PCDH11X: variants seen among roughly 807,000 people sequenced by gnomAD.
PCDH11X encodes protocadherin 11 X-linked, also known as protocadherin-11 X-linked.
A neutral mutation model predicts 53.3 loss-of-function variants in PCDH11X; 18 were observed. The observed-to-expected ratio is 0.34, with a 90% CI of 0.23 to 0.50. The LOEUF (loss-of-function observed/expected upper bound fraction) is 0.50, where lower values mean the gene tolerates loss of function less well. Among genes scored for constraint, PCDH11X ranks in the 20% least tolerant of loss-of-function variants. PCDH11X has a pLI of 0.98. For missense variants in PCDH11X, 570 were observed against 1,032.4 expected, an observed-to-expected ratio of 0.55 and a Z score of 6.14; for synonymous variants, 279 against 393.3, an observed-to-expected ratio of 0.71 and a Z score of 3.44.
intron 10 of PCDH11X, among the ~76,000 whole-genome samples, chrX:92,614,460 G>A (rs1483494889): frequency 9.3e-6 from 1 of 107,678 alleles, no homozygotes; most frequent in East Asian, 2.9e-4. Context: ...TTATATTGAT[G>A]TGTGTAGTTC....
At chrX:92,326,622 C>CTATATATATATATATATATATACAA (rs1160866218) in intron 8 of PCDH11X, among the ~76,000 whole-genome samples, 1 of 45,814 alleles carries the variant, frequency 2.2e-5, no homozygotes, top group Non-Finnish European at 3.3e-5. Context: ...TTTTAATAAA[C>CTATATATATATATATATATATACAA]TATATATATA....
intron 6 of PCDH11X, among the ~76,000 whole-genome samples, chrX:92,033,595 A>G (rs1227723006): frequency 1.2e-4 from 13 of 108,744 alleles, no homozygotes; most frequent in Non-Finnish European, 1.9e-4. Flanking sequence ...GGTTTCAGTC[A>G]TAATGTCTCC....
At chrX:92,165,810 C>A (rs916406299) in intron 6 of PCDH11X, among the ~76,000 whole-genome samples, 1 of 111,617 alleles carries the variant, frequency 9.0e-6, no homozygotes, top group Non-Finnish European at 1.9e-5. Context: ...ATTTCTAGTA[C>A]TTCCTGTGAT....
intron 7 of PCDH11X, among the ~76,000 whole-genome samples, chrX:92,226,664 T>C (rs1047131388): frequency 3.6e-5 from 4 of 111,085 alleles, no homozygotes; most frequent in Non-Finnish European, 7.5e-5. Flanking sequence ...TTGGGTTATT[T>C]TGGCCCCCTT....
intron 8 of PCDH11X, among the ~76,000 whole-genome samples, chrX:92,278,684 G>A (rs1018162418): frequency 4.5e-5 from 5 of 110,682 alleles, no homozygotes; most frequent in African/African-American, 1.6e-4. Context: ...TTAAGGCGGG[G>A]CAGGGCCTTT....
At chrX:92,346,081 T>C (rs2069888656) in intron 8 of PCDH11X, among the ~76,000 whole-genome samples, 1 of 110,768 alleles carries the variant, frequency 9.0e-6, no homozygotes, top group African/African-American at 3.3e-5. Context: ...GCAGCAAATA[T>C]AGATGGGACG....
At chrX:92,076,404 G>C (rs2063773762) in intron 6 of PCDH11X, among the ~76,000 whole-genome samples, 2 of 93,572 alleles carry the variant, frequency 2.1e-5, no homozygotes, top group South Asian at 8.1e-4. Context: ...ACCCAGAAAA[G>C]GAAGCAAAAG....
At chrX:91,848,944 A>T (rs1937853037) in intron 5 of PCDH11X, among the ~76,000 whole-genome samples, 1 of 110,731 alleles carries the variant, frequency 9.0e-6, no homozygotes, top group Admixed American at 9.6e-5. Flanking sequence ...TTATGAAAAG[A>T]AGTAATTTTA....
intron 6 of PCDH11X, among the ~76,000 whole-genome samples, chrX:91,907,403 A>ACACC (rs1556332900): frequency 1.7e-4 from 12 of 71,734 alleles, no homozygotes; most frequent in South Asian, 8.6e-4. Flanking sequence ...ACACACACAC[A>ACACC]CACACACACA....
intron 8 of PCDH11X, among the ~76,000 whole-genome samples, chrX:92,327,535 T>C (rs1225583681): frequency 1.1e-5 from 1 of 89,823 alleles, no homozygotes; most frequent in Non-Finnish European, 2.2e-5. Context: ...ACATCTATTA[T>C]GTGAGAAATG....
At chrX:92,120,961 T>C (rs904175745) in intron 6 of PCDH11X, among the ~76,000 whole-genome samples, 1 of 111,197 alleles carries the variant, frequency 9.0e-6, no homozygotes, top group Non-Finnish European at 1.9e-5. Flanking sequence ...GTGGCTTCCT[T>C]TTTCTGGTTT....
intron 6 of PCDH11X, among the ~76,000 whole-genome samples, chrX:91,885,656 C>A (rs184571436): frequency 1.1e-4 from 12 of 111,206 alleles, no homozygotes; most frequent in African/African-American, 2.6e-4. Context: ...TTCAGTGAAC[C>A]TTTCCTTCAT....
chrX:92,325,190 A>C (rs961469250), intron 8 of PCDH11X, among the ~76,000 whole-genome samples: 1 of 110,561 alleles, frequency 9.0e-6, no homozygotes, highest in Non-Finnish European at 1.9e-5. Flanking sequence ...AACAATCGAC[A>C]TATTTGGAGA....
At position 92,379,390 on chromosome X, in the gene PCDH11X, A is replaced by G. The variant is rs1021194477; in HGVS notation, c.3145-8345A>G. ...GTGCTGACATGCCTATGGCTGCCTCAGCCCCCTCCAGACTTTGACCACCCA... is the reference window on the plus strand; with the variant it reads ...GTGCTGACATGCCTATGGCTGCCTCGGCCCCCTCCAGACTTTGACCACCCA... On this transcript the variant is annotated intron_variant, in intron 8 of 10. Transcript: ENST00000682573. Among the ~76,000 whole-genome samples, 62 of 112,838 alleles carry G rather than the reference A, an allele frequency of 5.5e-4. 1 individual carries two copies. Among genetic ancestry groups the G allele is most frequent in the African/African-American group, 1.9e-3 (60 of 31,118 alleles).
At chrX:91,875,533 C>T (rs921800324) in intron 5 of PCDH11X, among the ~76,000 whole-genome samples, 4 of 109,030 alleles carry the variant, frequency 3.7e-5, no homozygotes, top group East Asian at 2.9e-4. Flanking sequence ...CCTCGTGATC[C>T]GCCCGCCTCG....
At chrX:91,928,758 G>C (rs2147834351) in intron 6 of PCDH11X, among the ~76,000 whole-genome samples, 1 of 109,431 alleles carries the variant, frequency 9.1e-6, no homozygotes, top group African/African-American at 3.3e-5. Context: ...GTTGTGATCT[G>C]ATATAATATC....
At chrX:91,822,502 T>A (rs1393003043) in intron 4 of PCDH11X, among the ~76,000 whole-genome samples, 1 of 111,362 alleles carries the variant, frequency 9.0e-6, no homozygotes, top group Non-Finnish European at 1.9e-5. Context: ...TTTGTATTCC[T>A]GTGGATCGGT....
Position 92,367,820 on chromosome X carries a change from G to A in PCDH11X, c.3145-19915G>A, listed in dbSNP as rs1255631997. 4.5e-5 allele frequency among the ~76,000 whole-genome samples: 5 copies of A among 111,310 alleles called. No homozygotes were observed. In the East Asian group the frequency reaches 1.4e-3, roughly 32 times the overall value. On this transcript the variant is annotated intron_variant, in intron 8 of 10. Transcript: ENST00000682573. ...CTTTTCTTTAAGAATGTTGAATATTGGCCCCCACCCTCTTCTAGCTTGTAA... is the reference window on the plus strand; with the variant it reads ...CTTTTCTTTAAGAATGTTGAATATTAGCCCCCACCCTCTTCTAGCTTGTAA...
chrX:91,893,447 G>A (rs1940599432), intron 6 of PCDH11X, among the ~76,000 whole-genome samples: 1 of 106,975 alleles, frequency 9.3e-6, no homozygotes, highest in African/African-American at 3.4e-5. Context: ...AGGCATTTTA[G>A]CACAAGAAGC....
Sources: allele counts gnomAD v4.1 joint callset (sites outside exome capture counted in the v4.1 genomes callset), GRCh38; gene constraint gnomAD v4.1.1; transcripts MANE v1.5; gene names NCBI Gene and HGNC (gene_info 2026-07-23, HGNC 2026-07-21).